The following CDH12 variants were observed in gnomAD, a reference collection of about 807,000 sequenced individuals.
CDH12 encodes cadherin-12.
CDH12 carries 41 observed loss-of-function variants against 74.1 expected under a neutral mutation model. That is an observed-to-expected ratio of 0.55 (90% CI 0.43 to 0.72). CDH12 has a LOEUF of 0.72. Ranked by LOEUF, CDH12 falls within the 30% of genes least tolerant of loss-of-function variation. The pLI is 0.00. For synonymous variants in CDH12, 399 were observed against 355.0 expected (o/e 1.12, Z -1.39); for missense variants, 945 against 977.2 (o/e 0.97, Z 0.44).
At chr5:21,954,530 G>A (rs1580011901) in intron 6 of CDH12, among the ~76,000 whole-genome samples, 1 of 152,194 alleles carries the variant, frequency 6.6e-6, no homozygotes. Flanking sequence ...AGTTAGTGCT[G>A]CTTGCTTTAT....
chr5:21,978,769 C>T (rs375160445), intron 5 of CDH12, among the ~76,000 whole-genome samples: 1 of 151,910 alleles, frequency 6.6e-6, no homozygotes, highest in East Asian at 1.9e-4. Context: ...TGTATACGCA[C>T]GTGTTTATGT....
rs142701195 is a variant in CDH12 at position 22,616,704 on chromosome 5, G to A, written c.-522-111340C>T. ...AGTAGGAAAGGGGAGGGTAAAGGAG[G>A]GAGGGGATGGATGGTGAGTGCTATG... On this transcript the variant is annotated intron_variant, in intron 1 of 14. Coordinates refer to ENST00000382254, the MANE Select transcript of CDH12 (RefSeq NM_004061.5). 3.6e-3 allele frequency among the ~76,000 whole-genome samples: 551 copies of A among 152,080 alleles called. 1 individual carries two copies. Among genetic ancestry groups the A allele is most frequent in the African/African-American group, 0.01 (424 of 41,514 alleles).
chr5:22,180,938 G>C (rs1298719960), intron 4 of CDH12, among the ~76,000 whole-genome samples: 2 of 151,882 alleles, frequency 1.3e-5, no homozygotes, highest in Non-Finnish European at 2.9e-5. Context: ...ACATAATTTG[G>C]GGTACCTTGA....
At chr5:22,422,523 C>T (rs987309902) in intron 2 of CDH12, among the ~76,000 whole-genome samples, 8 of 151,932 alleles carry the variant, frequency 5.3e-5, no homozygotes, top group African/African-American at 9.7e-5. Context: ...AAGGATTGGC[C>T]TAAGGTTTCC....
chr5:22,566,548 T>A (rs1739295304), intron 1 of CDH12, among the ~76,000 whole-genome samples: 1 of 152,152 alleles, frequency 6.6e-6, no homozygotes, highest in Admixed American at 6.5e-5. Context: ...ACTATGTGTC[T>A]TTTAATTATT....
intron 4 of CDH12, among the ~76,000 whole-genome samples, chr5:22,098,186 T>C (rs1167006128): frequency 6.6e-6 from 1 of 152,174 alleles, no homozygotes; most frequent in East Asian, 1.9e-4. Flanking sequence ...GCAAATTACC[T>C]GGGCTGTACT....
chr5:22,032,434 A>G (rs909119924), intron 5 of CDH12, among the ~76,000 whole-genome samples: 1 of 151,938 alleles, frequency 6.6e-6, no homozygotes, highest in African/African-American at 2.4e-5. Context: ...AAAAGGGGCC[A>G]GGCACGGTGG....
At chr5:21,869,402 G>T (rs972247062) in intron 6 of CDH12, among the ~76,000 whole-genome samples, 3 of 152,244 alleles carry the variant, frequency 2.0e-5, no homozygotes, top group South Asian at 4.1e-4. Context: ...AGTAGAAGAA[G>T]ATGTTAATAA....
chr5:22,566,241 CT>C (rs937479137), intron 1 of CDH12, among the ~76,000 whole-genome samples: 259 of 141,860 alleles, frequency 1.8e-3, no homozygotes, highest in Middle Eastern at 7.5e-3. Flanking sequence ...TTTTTTCTTT[CT>C]TTTTTTTTTT....
chr5:22,082,044 T>A (rs7703247), intron 4 of CDH12, among the ~76,000 whole-genome samples: 53,968 of 152,050 alleles, frequency 0.35, 11,758 homozygotes, highest in African/African-American at 0.62. Flanking sequence ...TCTGTCAATC[T>A]GAACACATCT....
intron 3 of CDH12, among the ~76,000 whole-genome samples, chr5:22,240,722 T>G (rs1212737292): frequency 6.6e-6 from 1 of 151,824 alleles, no homozygotes; most frequent in Admixed American, 6.6e-5. Context: ...TTAGTAGAGA[T>G]AGGGTTTCAC....
At chr5:22,473,121 G>T (rs551310662) in intron 2 of CDH12, among the ~76,000 whole-genome samples, 269 of 152,150 alleles carry the variant, frequency 1.8e-3, no homozygotes, top group Non-Finnish European at 2.7e-3. Flanking sequence ...CTGTGCCTTT[G>T]CACTGGATAT....
At chr5:21,831,177 A>G (rs1322958842) in intron 8 of CDH12, among the ~76,000 whole-genome samples, 3 of 152,144 alleles carry the variant, frequency 2.0e-5, no homozygotes, top group Admixed American at 6.5e-5. Context: ...ATAGTCACAT[A>G]TAGGGCTCCT....
intron 1 of CDH12, among the ~76,000 whole-genome samples, chr5:22,851,800 A>T (rs1737568397): frequency 6.6e-6 from 1 of 152,174 alleles, no homozygotes; most frequent in African/African-American, 2.4e-5. Context: ...ACTCGGTTGA[A>T]TTCTCCTGTT....
chr5:22,112,778 A>T (rs1404375772), intron 4 of CDH12, among the ~76,000 whole-genome samples: 1 of 152,182 alleles, frequency 6.6e-6, no homozygotes, highest in African/African-American at 2.4e-5. Flanking sequence ...AAATCCCTGC[A>T]CATGATTACC....
At chr5:22,661,923 T>C (rs1239803799) in intron 1 of CDH12, among the ~76,000 whole-genome samples, 2 of 152,140 alleles carry the variant, frequency 1.3e-5, no homozygotes, top group African/African-American at 4.8e-5. Flanking sequence ...AAAATTATAT[T>C]TAATAAGAAT....
In CDH12 at chr5:22,716,619, A is replaced by C. The variant is rs963089645; in HGVS notation, c.-523+136439T>G. 2.6e-5 allele frequency among the ~76,000 whole-genome samples: 4 copies of C among 151,890 alleles called. No individual in the cohort carries two copies. In the East Asian group the frequency reaches 5.8e-4, roughly 22 times the overall value. Reference sequence around the variant, plus strand: ...AAAATTACCTGAAAACTTAAAAAAAAAAAAACAAAAAATAAATGAACAGTC... The same window carrying C: ...AAAATTACCTGAAAACTTAAAAAAACAAAAACAAAAAATAAATGAACAGTC... On this transcript the variant is annotated intron_variant, in intron 1 of 14. Coordinates refer to ENST00000382254, the MANE Select transcript of CDH12 (RefSeq NM_004061.5).
chr5:22,288,057 T>C, intron 3 of CDH12, among the ~76,000 whole-genome samples: 1 of 152,166 alleles, frequency 6.6e-6, no homozygotes, highest in East Asian at 1.9e-4. Flanking sequence ...TATGACCCTC[T>C]GCTGCCCTTA....
chr5:22,390,912 T>G (rs935195929), intron 3 of CDH12, among the ~76,000 whole-genome samples: 1 of 152,070 alleles, frequency 6.6e-6, no homozygotes, highest in Non-Finnish European at 1.5e-5. Context: ...CTTGCTCAGA[T>G]GTTAATGTGA....
Sources: gnomAD v4.1 joint callset for allele counts (sites outside exome capture counted in the v4.1 genomes callset) on GRCh38, gnomAD v4.1.1 for gene constraint, MANE v1.5 for transcripts, NCBI Gene and HGNC (gene_info 2026-07-23, HGNC 2026-07-21) for gene names.